MAP3K21: variants seen among roughly 807,000 people sequenced by gnomAD.
MAP3K21 encodes mitogen-activated protein kinase kinase kinase 21.
In MAP3K21, 63 loss-of-function variants were observed where a neutral mutation model predicts 86.1. The ratio of observed to expected loss-of-function variants is 0.73; its 90% confidence interval spans 0.60 to 0.90. MAP3K21 has a LOEUF of 0.90. Ranked by LOEUF, MAP3K21 falls within the 40% of genes least tolerant of loss-of-function variation. The probability of loss-of-function intolerance (pLI) is 0.00; values close to 1 mark genes in which losing one functional copy is unlikely to be tolerated. For missense variants in MAP3K21, 1,220 were observed against 1,367.7 expected, an observed-to-expected ratio of 0.89 and a Z score of 1.70; for synonymous variants, 558 against 564.8, an observed-to-expected ratio of 0.99 and a Z score of 0.17.
At chr1:233,367,399 A>G (rs552301801) in intron 5 of MAP3K21, among the ~76,000 whole-genome samples, 10 of 152,248 alleles carry the variant, frequency 6.6e-5, no homozygotes, top group African/African-American at 2.4e-4. Context: ...CTGTGATTGA[A>G]CTATAGCTGC....
At chr1:233,372,255 G>A in intron 6 of MAP3K21, 95 bp downstream of exon 6, 1 of 1,466,610 alleles carries the variant, frequency 6.8e-7, no homozygotes, top group Non-Finnish European at 9.4e-7. Flanking sequence ...TTCATAGCAG[G>A]TTGTAGATGA....
At chr1:233,358,572 C>T (rs1484526801) in intron 4 of MAP3K21, among the ~76,000 whole-genome samples, 1 of 150,310 alleles carries the variant, frequency 6.7e-6, no homozygotes, top group African/African-American at 2.4e-5. Context: ...GCAGGAAAAG[C>T]GTTTGAGAAA....
chr1:233,377,334 G>A (rs980882033), intron 8 of MAP3K21, among the ~76,000 whole-genome samples: 1 of 152,128 alleles, frequency 6.6e-6, no homozygotes, highest in Non-Finnish European at 1.5e-5. Context: ...AGACTCTTTG[G>A]TACTTTGATC....
chr1:233,361,793 T>C (rs1267061997), intron 4 of MAP3K21, among the ~76,000 whole-genome samples: 1 of 152,206 alleles, frequency 6.6e-6, no homozygotes, highest in Non-Finnish European at 1.5e-5. Flanking sequence ...CAGAGGAGAC[T>C]GGCGTTTGTG....
At position 233,379,644 on chromosome 1, in the gene MAP3K21, T is replaced by G; in HGVS notation, c.2638T>G (p.Cys880Gly). Residue 880 changes from cysteine to glycine, a missense_variant, in exon 9 of 10, where the codon TGT becomes GGT. Cys to Gly is a radical substitution (Grantham distance 159). Coordinates refer to ENST00000366624, the MANE Select transcript of MAP3K21 (RefSeq NM_032435.3). ...LQQTCGNVPY[C>G]ASSKHRPSHH... is the part of the protein sequence containing the mutation. ...GCAGACATGTGGGAATGTACCTTAC[T>G]GTGCTTCTTCAAAACATAGACCGTC... 1 of 1,614,032 alleles carries G rather than the reference T, an allele frequency of 6.2e-7. No individual in the cohort carries two copies. The highest frequency in any genetic ancestry group is 1.3e-5 in the African/African-American group (1 of 75,046).
chr1:233,384,499 T>G lies in MAP3K21; in HGVS notation c.*1788T>G, dbSNP rs1663971440. On this transcript the variant is annotated 3_prime_UTR_variant, in exon 10 of 10. Transcript: ENST00000366624. ...CAGAGATTTGGTTTTCCCAAAATGT[T>G]ATCACATTTGAAACTATGATTGCTT... 2 of 152,242 alleles carry G rather than the reference T, an allele frequency of 1.3e-5. No homozygotes were observed. The allele number at this position is 152,242 out of a possible 1,614,324, so 9.4% of individuals were successfully genotyped here.
rs35097559 is a variant in MAP3K21 at position 233,351,103 on chromosome 1, G to GTT, written c.987-2697_987-2696dup. 1.5e-4 allele frequency among the ~76,000 whole-genome samples: 23 copies of GTT among 151,412 alleles called. No homozygotes were observed. The South Asian group carries it at 3.8e-3, about 25-fold the overall frequency. On this transcript the variant is annotated intron_variant, in intron 2 of 9. Transcript: ENST00000366624. ...AGACAATTTTAGTTATTCTATGTAA[G>GTT]TTTTTTTTGTTTTTGTTGAATGATC...
intron 5 of MAP3K21, among the ~76,000 whole-genome samples, chr1:233,365,907 A>G (rs1359243927): frequency 2.0e-5 from 3 of 152,236 alleles, no homozygotes; most frequent in Non-Finnish European, 4.4e-5. Flanking sequence ...TTATGGCAAC[A>G]CTATTCACAA....
At chr1:233,350,251 T>C (rs1362328480) in intron 2 of MAP3K21, among the ~76,000 whole-genome samples, 1 of 152,212 alleles carries the variant, frequency 6.6e-6, no homozygotes, top group Non-Finnish European at 1.5e-5. Context: ...TTGTTGTTTT[T>C]TTTTCTGAAT....
chr1:233,346,123 C>T (rs1663134700), intron 1 of MAP3K21, among the ~76,000 whole-genome samples: 1 of 152,104 alleles, frequency 6.6e-6, no homozygotes, highest in African/African-American at 2.4e-5. Flanking sequence ...TTTTTCATAT[C>T]AGGTAAATTT....
At chr1:233,336,471 G>A (rs890902644) in intron 1 of MAP3K21, among the ~76,000 whole-genome samples, 9 of 151,902 alleles carry the variant, frequency 5.9e-5, no homozygotes, top group African/African-American at 2.2e-4. Context: ...AATCAAGGAG[G>A]TGGAGGTTGT....
intron 4 of MAP3K21, among the ~76,000 whole-genome samples, chr1:233,358,473 GTTT>G (rs58298146): frequency 4.4e-4 from 62 of 141,646 alleles, no homozygotes; most frequent in African/African-American, 1.5e-3. Context: ...ACTCTAATTT[GTTT>G]TTTTTTTTTT....
intron 4 of MAP3K21, among the ~76,000 whole-genome samples, chr1:233,355,250 G>A (rs961830212): frequency 6.9e-6 from 1 of 145,936 alleles, no homozygotes; most frequent in African/African-American, 2.5e-5. Flanking sequence ...GAGAGAGAGA[G>A]CAAATAGCAT....
chr1:233,365,937 A>T (rs957745123), intron 5 of MAP3K21, among the ~76,000 whole-genome samples: 1 of 152,244 alleles, frequency 6.6e-6, no homozygotes, highest in Non-Finnish European at 1.5e-5. Flanking sequence ...TAAGGAATCA[A>T]TCTAAGTGTC....
At chr1:233,380,248 A>C (rs12046516) in intron 9 of MAP3K21, among the ~76,000 whole-genome samples, 31,502 of 152,150 alleles carry the variant, frequency 0.21, 3,527 homozygotes, top group East Asian at 0.32. Flanking sequence ...AAGGTGTCTG[A>C]AGGGTTGGTT....
intron 3 of MAP3K21, 149 bp from the exon 4 acceptor site, chr1:233,354,687 T>C (rs777086601): frequency 3.0e-6 from 2 of 667,626 alleles, no homozygotes; most frequent in Non-Finnish European, 5.2e-6. Flanking sequence ...CAATGGATTC[T>C]TAAAATCTTC....
At chr1:233,350,115 T>C (rs763364425) in intron 2 of MAP3K21, among the ~76,000 whole-genome samples, 2 of 152,220 alleles carry the variant, frequency 1.3e-5, no homozygotes, top group African/African-American at 2.4e-5. Context: ...TGTTTGCATA[T>C]AGCCTGTGCA....
In MAP3K21 at chr1:233,354,983, T is replaced by A. The variant is rs373128635; in HGVS notation, c.1283T>A (p.Met428Lys). The change falls in exon 4 of 10, where the codon ATG (methionine) becomes AAG (lysine). Residue 428 changes from methionine (M) to lysine (K), a missense_variant. Met to Lys is a moderately conservative substitution (Grantham distance 95, BLOSUM62 -1). This residue lies in a region of MAP3K21 where 126 missense variants were observed against 127.7 expected (regional missense o/e 0.99). Coordinates refer to ENST00000366624, the MANE Select transcript of MAP3K21 (RefSeq NM_032435.3). ...QDDWKLEIQQ[M>K]FDELRTKEKE... ...GACTGGAAACTAGAAATTCAACAAA[T>A]GTTTGATGAGTTGAGAACAAAGGAA... is the stretch of plus-strand genomic sequence containing the variant. 3.1e-6 allele frequency: 5 copies of A among 1,613,934 alleles called. No homozygotes were observed. The highest frequency in any genetic ancestry group is 4.2e-6 in the Non-Finnish European group (5 of 1,179,840).
chr1:233,376,329 C>T, intron 7 of MAP3K21, 101 bp from the exon 8 acceptor site: 3 of 871,200 alleles, frequency 3.4e-6, no homozygotes, highest in Non-Finnish European at 5.5e-6. Flanking sequence ...CAAATGTGTT[C>T]TCTTTACTAC....
Sources: allele counts gnomAD v4.1 joint callset (sites outside exome capture counted in the v4.1 genomes callset), GRCh38; gene constraint gnomAD v4.1.1; regional missense constraint gnomAD v4.1.1; transcripts MANE v1.5; gene names NCBI Gene and HGNC (gene_info 2026-07-23, HGNC 2026-07-21).